WWOX: variants seen among roughly 807,000 people sequenced by gnomAD.
WWOX encodes WW domain-containing oxidoreductase.
Under a neutral mutation model 46.2 loss-of-function variants are expected in WWOX, and 69 were observed. The ratio of observed to expected loss-of-function variants is 1.49; its 90% CI spans 1.23 to 1.82. The LOEUF is 1.82. WWOX is among the 40% of genes most tolerant of loss of function. The pLI is 0.00. For missense variants in WWOX, 919 were observed against 542.6 expected, an observed-to-expected ratio of 1.69 and a Z score of -6.89; for synonymous variants, 359 against 202.6, an observed-to-expected ratio of 1.77 and a Z score of -6.56.
At chr16:79,037,999 GA>G (rs1337836285) in intron 8 of WWOX, among the ~76,000 whole-genome samples, 1 of 151,976 alleles carries the variant, frequency 6.6e-6, no homozygotes, top group African/African-American at 2.4e-5. Flanking sequence ...GTTAACACAT[GA>G]TGGCAACCAG....
intron 8 of WWOX, among the ~76,000 whole-genome samples, chr16:78,546,689 G>A (rs1245002136): frequency 6.6e-6 from 1 of 152,184 alleles, no homozygotes; most frequent in Admixed American, 6.5e-5. Context: ...AGGAATCAGT[G>A]TGTTTAAGAA....
chr16:78,963,690 A>G (rs2046314310), intron 8 of WWOX, among the ~76,000 whole-genome samples: 1 of 152,186 alleles, frequency 6.6e-6, no homozygotes, highest in Admixed American at 6.5e-5. Flanking sequence ...ACTTTCTGCC[A>G]GACATTGCAC....
At chr16:78,225,159 T>C (rs1240001805) in intron 5 of WWOX, among the ~76,000 whole-genome samples, 1 of 152,230 alleles carries the variant, frequency 6.6e-6, no homozygotes, top group Non-Finnish European at 1.5e-5. Context: ...ACATCCAGGC[T>C]ATATGGTATA....
intron 8 of WWOX, among the ~76,000 whole-genome samples, chr16:78,685,412 G>GGT (rs1322697230): frequency 1.3e-5 from 2 of 152,034 alleles, no homozygotes; most frequent in African/African-American, 4.8e-5. Flanking sequence ...GTCTGTCTAT[G>GGT]GTAGATCTTC....
At chr16:78,727,714 G>A (rs1326181955) in intron 8 of WWOX, among the ~76,000 whole-genome samples, 3 of 152,116 alleles carry the variant, frequency 2.0e-5, no homozygotes, top group Non-Finnish European at 4.4e-5. Flanking sequence ...TAGTAGTGCT[G>A]TGTGGGGAGG....
chr16:78,422,197 T>A (rs181217721), intron 6 of WWOX, among the ~76,000 whole-genome samples: 18 of 152,304 alleles, frequency 1.2e-4, no homozygotes, highest in Non-Finnish European at 4.4e-5. Flanking sequence ...ACTAAAAATA[T>A]GGGGCTTCTA....
chr16:79,015,762 T>C (rs973847323), intron 8 of WWOX, among the ~76,000 whole-genome samples: 1 of 152,146 alleles, frequency 6.6e-6, no homozygotes, highest in Non-Finnish European at 1.5e-5. Flanking sequence ...TTAAATAATT[T>C]ATTTTTCTGA....
intron 5 of WWOX, among the ~76,000 whole-genome samples, chr16:78,271,765 G>A (rs569134922): frequency 2.0e-5 from 3 of 152,300 alleles, no homozygotes; most frequent in South Asian, 2.1e-4. Flanking sequence ...GAGGCCTGGC[G>A]GAGAAGCAGT....
In WWOX at chr16:79,144,230, G is replaced by A. The variant is rs551519176; in HGVS notation, c.1057-67378G>A. Reference sequence around the variant, plus strand: ...CAGCTTTTTCACTTCAGCACACCAGGATTTTCATCCCAGCTCTCCAATCCC... The same window carrying A: ...CAGCTTTTTCACTTCAGCACACCAGAATTTTCATCCCAGCTCTCCAATCCC... On this transcript the variant is annotated intron_variant, in intron 8 of 8. Transcript: ENST00000566780. Among the ~76,000 whole-genome samples the A allele has an allele frequency of 3.9e-5, 6 of 152,274 alleles. No homozygotes were observed. The South Asian group carries it at 1.2e-3, about 32-fold the overall frequency.
chr16:78,948,652 G>T (rs1441768382), intron 8 of WWOX, among the ~76,000 whole-genome samples: 2 of 152,046 alleles, frequency 1.3e-5, no homozygotes, highest in African/African-American at 2.4e-5. Context: ...TCGAAAAGAG[G>T]TTCCAGCAGT....
intron 8 of WWOX, among the ~76,000 whole-genome samples, chr16:79,195,277 A>T (rs2051216794): frequency 6.6e-6 from 1 of 152,096 alleles, no homozygotes. Flanking sequence ...GAACGTAGCA[A>T]GCAGGATGGG....
chr16:78,475,309 T>C lies in WWOX; in HGVS notation c.1056+42557T>C, dbSNP rs182432140. Among the ~76,000 whole-genome samples the C allele has an allele frequency of 1.3e-4, 20 of 152,356 alleles. No individual in the cohort carries two copies. The East Asian group carries it at 3.7e-3, about 28-fold the overall frequency. On this transcript the variant is annotated intron_variant, in intron 8 of 8. Coordinates refer to ENST00000566780, the MANE Select transcript of WWOX (RefSeq NM_016373.4). Reference sequence around the variant, plus strand: ...AGAGCAGGGACCTCCTTGTGCTGTTTTGGGCTCTCCTTGTTCACCCAGATT... The same window carrying C: ...AGAGCAGGGACCTCCTTGTGCTGTTCTGGGCTCTCCTTGTTCACCCAGATT...
chr16:78,755,791 G>C (rs920886234), intron 8 of WWOX, among the ~76,000 whole-genome samples: 2 of 152,104 alleles, frequency 1.3e-5, no homozygotes, highest in South Asian at 4.1e-4. Flanking sequence ...AACATACCTG[G>C]TTCCACTCTC....
intron 8 of WWOX, among the ~76,000 whole-genome samples, chr16:78,437,965 T>G (rs1019743244): frequency 6.6e-6 from 1 of 152,192 alleles, no homozygotes; most frequent in African/African-American, 2.4e-5. Context: ...GTATCTATAT[T>G]TATATATACA....
chr16:79,096,406 C>G (rs906458204), intron 8 of WWOX, among the ~76,000 whole-genome samples: 1 of 152,142 alleles, frequency 6.6e-6, no homozygotes, highest in Non-Finnish European at 1.5e-5. Context: ...CAGTGCTCTT[C>G]CCCCTGCTCA....
At chr16:78,970,294 C>G (rs2046444809) in intron 8 of WWOX, among the ~76,000 whole-genome samples, 1 of 152,202 alleles carries the variant, frequency 6.6e-6, no homozygotes, top group African/African-American at 2.4e-5. Context: ...CTTTGATTCT[C>G]TGCCCTTCCC....
chr16:78,539,997 T>TTC (rs536466074), intron 8 of WWOX, among the ~76,000 whole-genome samples: 436 of 133,078 alleles, frequency 3.3e-3, no homozygotes, highest in African/African-American at 6.7e-3. Context: ...CTCTCTCTCT[T>TTC]TCTCTCTCTC....
At chr16:78,958,041 G>C (rs2046203653) in intron 8 of WWOX, among the ~76,000 whole-genome samples, 1 of 152,112 alleles carries the variant, frequency 6.6e-6, no homozygotes, top group Admixed American at 6.5e-5. Context: ...TCTGGCGCGT[G>C]GTATGCCTGC....
chr16:78,819,715 G>T (rs1306854964), intron 8 of WWOX, among the ~76,000 whole-genome samples: 2 of 152,182 alleles, frequency 1.3e-5, no homozygotes, highest in Admixed American at 6.5e-5. Context: ...GTTGGCCTAA[G>T]CCGCAATTCT....
Sources: gnomAD v4.1 joint callset for allele counts (sites outside exome capture counted in the v4.1 genomes callset) on GRCh38, gnomAD v4.1.1 for gene constraint, MANE v1.5 for transcripts, NCBI Gene and HGNC (gene_info 2026-07-23, HGNC 2026-07-21) for gene names.